NIN: variants seen among roughly 807,000 people sequenced by gnomAD.
NIN encodes glycogen synthase kinase 3 beta-interacting protein.
Under a neutral mutation model 257.6 loss-of-function variants are expected in NIN, and 137 were observed. The observed-to-expected ratio is 0.53, with a 90% confidence interval of 0.46 to 0.61. The LOEUF (loss-of-function observed/expected upper bound fraction) is 0.61. NIN is among the 20% of genes least tolerant of loss of function. The probability of loss-of-function intolerance (pLI) is 0.00; values close to 1 mark genes in which losing one functional copy is unlikely to be tolerated. For synonymous variants in NIN, 918 were observed against 919.8 expected (o/e 1.00, Z 0.04); for missense variants, 2,439 against 2,501.2 (o/e 0.98, Z 0.53).
At chr14:50,738,034 T>C in intron 27 of NIN, 106 bp downstream of exon 27, 1 of 1,135,042 alleles carries the variant, frequency 8.8e-7, no homozygotes, top group Non-Finnish European at 1.3e-6. Context: ...CATGCCAAAA[T>C]ATGCCATCGT....
intron 29 of NIN, among the ~76,000 whole-genome samples, chr14:50,727,981 C>T (rs950064744): frequency 9.2e-5 from 14 of 152,202 alleles, no homozygotes; most frequent in East Asian, 5.8e-4. Context: ...AGCTCAGCAG[C>T]GGGAAATGGG....
At chr14:50,827,751 C>T (rs1190954479) in intron 2 of NIN, among the ~76,000 whole-genome samples, 3 of 89,162 alleles carry the variant, frequency 3.4e-5, no homozygotes, top group African/African-American at 1.1e-4. Flanking sequence ...CGAGAGACTC[C>T]GTATCAAAAA....
chr14:50,816,583 T>C (rs1316160878), intron 3 of NIN, among the ~76,000 whole-genome samples: 1 of 152,134 alleles, frequency 6.6e-6, no homozygotes, highest in Non-Finnish European at 1.5e-5. Flanking sequence ...GATCCCATCC[T>C]GGCACTGACT....
chr14:50,792,397 T>C (rs2043636222), intron 5 of NIN: 1 of 267,126 alleles, frequency 3.7e-6, no homozygotes, highest in African/African-American at 2.2e-5. Flanking sequence ...AAAATGATCA[T>C]GCTATAGAGG....
intron 3 of NIN, among the ~76,000 whole-genome samples, chr14:50,818,345 G>C (rs924048480): frequency 6.8e-6 from 1 of 146,584 alleles, no homozygotes; most frequent in African/African-American, 2.5e-5. Flanking sequence ...AAAAACACTG[G>C]ATATAACTAA....
At chr14:50,734,139 G>T (rs1312345184) in intron 28 of NIN, among the ~76,000 whole-genome samples, 3 of 150,830 alleles carry the variant, frequency 2.0e-5, no homozygotes, top group Non-Finnish European at 4.4e-5. Flanking sequence ...GCCCAGGCTG[G>T]AGTGCAATGA....
chr14:50,749,325 G>T (rs906525858), intron 21 of NIN, among the ~76,000 whole-genome samples: 1 of 152,184 alleles, frequency 6.6e-6, no homozygotes, highest in Non-Finnish European at 1.5e-5. Flanking sequence ...ATGGATTAAA[G>T]ACTTAAATGT....
intron 12 of NIN, among the ~76,000 whole-genome samples, chr14:50,769,896 C>T (rs1422808431): frequency 6.6e-6 from 1 of 150,740 alleles, no homozygotes. Context: ...TAAGTTATAA[C>T]TGCACCGCTG....
intron 25 of NIN, among the ~76,000 whole-genome samples, chr14:50,740,205 GAGAC>G: frequency 8.6e-6 from 1 of 116,018 alleles, no homozygotes; most frequent in South Asian, 2.8e-4. Flanking sequence ...TTTTTTTTTT[GAGAC>G]AGACTCTCAC....
rs888733652 is a variant in NIN at position 50,729,537 on chromosome 14, T to C, written c.6064A>G (p.Thr2022Ala). 2.5e-6 allele frequency: 4 copies of C among 1,613,816 alleles called. No individual in the cohort carries two copies. The highest frequency in any genetic ancestry group is 3.4e-6 in the Non-Finnish European group (4 of 1,179,938). ...QEELENRTSE[T>A]NTPQGNQEQL... is the part of the protein sequence containing the mutation. ...GAGCTTCATACCTGTGGTGTGTTGG[T>C]TTCGGAGGTCCTGTTTTCAAGTTCC... is the stretch of plus-strand genomic sequence containing the variant. Residue 2022 changes from threonine (T) to alanine (A), a missense_variant, in exon 29 of 31, where the codon ACC (threonine) becomes GCC (alanine). Transcript: ENST00000530997.
At position 50,744,383 on chromosome 14, in the gene NIN, A is replaced by G; in HGVS notation, c.5065-18T>C. ...CTGTGCAGCTGTAAGAGATAAACAA[A>G]TGAGCCCTCCCATCACATCTCATGG... On this transcript the variant is annotated intron_variant, in intron 22 of 30. Transcript: ENST00000530997. 1 of 1,612,458 alleles carries G rather than the reference A, an allele frequency of 6.2e-7. No homozygotes were observed. The highest frequency in any genetic ancestry group is 8.5e-7 in the Non-Finnish European group (1 of 1,179,220).
At chr14:50,747,386 G>A (rs565689436) in intron 22 of NIN, among the ~76,000 whole-genome samples, 2 of 152,292 alleles carry the variant, frequency 1.3e-5, no homozygotes, top group Non-Finnish European at 2.9e-5. Flanking sequence ...CTGGCTGGGT[G>A]ACAGAACAAC....
At chr14:50,791,296 T>C (rs1316062910) in intron 5 of NIN, among the ~76,000 whole-genome samples, 1 of 152,142 alleles carries the variant, frequency 6.6e-6, no homozygotes, top group East Asian at 1.9e-4. Context: ...AGTATATGTG[T>C]TTTACTGGGG....
chr14:50,823,444 T>A (rs916180366), intron 2 of NIN: 3 of 320,398 alleles, frequency 9.4e-6, no homozygotes, highest in African/African-American at 6.6e-5. Context: ...CATTACAACA[T>A]GAAAAACGTA....
Position 50,757,219 on chromosome 14 carries a change from T to C in NIN, c.3811A>G (p.Thr1271Ala), listed in dbSNP as rs2042068397. The change falls in exon 18 of 31, where the codon ACA (threonine) becomes GCA (alanine). Residue 1271 changes from threonine to alanine, a missense_variant. Coordinates refer to ENST00000530997, the MANE Select transcript of NIN (RefSeq NM_020921.4). ...CLQEELRMME[T>A]RYDEALENNK... ...TTTTCTAGTGCCTCATCGTAGCGTG[T>C]CTCCATCATTCTCAGCTCTTCCTGA... The C allele has an allele frequency of 1.2e-6, 2 of 1,614,126 alleles. No individual in the cohort carries two copies. Among genetic ancestry groups the C allele is most frequent in the Non-Finnish European group, 1.7e-6 (2 of 1,180,026 alleles).
intron 29 of NIN, among the ~76,000 whole-genome samples, chr14:50,728,904 A>C (rs1218406353): frequency 2.0e-5 from 3 of 152,242 alleles, no homozygotes; most frequent in Non-Finnish European, 4.4e-5. Flanking sequence ...GATGTCACTG[A>C]CTATACACTC....
chr14:50,754,527 T>C, intron 20 of NIN, 36 bp downstream of exon 20: 1 of 1,543,920 alleles, frequency 6.5e-7, no homozygotes, highest in South Asian at 1.2e-5. Context: ...AATTTTGGAA[T>C]CAAAAAACAT....
chr14:50,762,941 A>G (rs1201600579), intron 15 of NIN, among the ~76,000 whole-genome samples: 2 of 152,058 alleles, frequency 1.3e-5, no homozygotes, highest in Non-Finnish European at 2.9e-5. Flanking sequence ...ATGAGGAACA[A>G]CCCCAACACT....
At chr14:50,792,666 G>A (rs1193845637) in intron 5 of NIN, 46 bp downstream of exon 5, 1 of 1,607,828 alleles carries the variant, frequency 6.2e-7, no homozygotes. Context: ...CTGACGTGGG[G>A]CTCCACACTC....
Sources: gnomAD v4.1 joint callset for allele counts (sites outside exome capture counted in the v4.1 genomes callset) on GRCh38, gnomAD v4.1.1 for gene constraint, MANE v1.5 for transcripts, NCBI Gene and HGNC (gene_info 2026-07-23, HGNC 2026-07-21) for gene names.